The following ATP5PO variants were observed in gnomAD, a reference collection of about 807,000 sequenced individuals.
ATP5PO encodes the protein ATP synthase peripheral stalk subunit OSCP, mitochondrial.
In ATP5PO, 14 loss-of-function variants were observed where a neutral mutation model predicts 26.2. That is an observed-to-expected ratio of 0.53 (90% CI 0.35 to 0.83). The LOEUF (loss-of-function observed/expected upper bound fraction) is 0.83, where lower values mean the gene tolerates loss of function less well. Ranked by LOEUF, ATP5PO falls within the 40% of genes least tolerant of loss-of-function variation. The pLI is 0.01. For missense variants in ATP5PO, 241 were observed against 258.5 expected (o/e 0.93, Z 0.46); for synonymous variants, 106 against 95.1 (o/e 1.12, Z -0.67).
At chr21:33,909,577 T>A (rs1569367026) in intron 3 of ATP5PO, among the ~76,000 whole-genome samples, 1 of 152,130 alleles carries the variant, frequency 6.6e-6, no homozygotes, top group African/African-American at 2.4e-5. Context: ...TACAAACACT[T>A]TCTTATGAAT....
intron 3 of ATP5PO, 83 bp from the exon 4 acceptor site, chr21:33,909,294 T>C: frequency 6.8e-7 from 1 of 1,467,332 alleles, no homozygotes; most frequent in Non-Finnish European, 9.3e-7. Flanking sequence ...TTTCTTTCTT[T>C]TTTGGAGACA....
chr21:33,914,602 A>G (rs1987290247), intron 1 of ATP5PO, 102 bp from the exon 2 acceptor site: 3 of 1,101,558 alleles, frequency 2.7e-6, no homozygotes, highest in Non-Finnish European at 2.7e-6. Flanking sequence ...TAAAATCATT[A>G]CTTTTGTCTC....
chr21:33,913,059 T>C (rs1456555376), intron 2 of ATP5PO, among the ~76,000 whole-genome samples: 2 of 152,222 alleles, frequency 1.3e-5, no homozygotes, highest in Non-Finnish European at 2.9e-5. Context: ...GAGAAAGATT[T>C]AGTTCCAGTC....
At chr21:33,913,382 G>A (rs1344581993) in intron 2 of ATP5PO, among the ~76,000 whole-genome samples, 1 of 152,198 alleles carries the variant, frequency 6.6e-6, no homozygotes, top group Non-Finnish European at 1.5e-5. Context: ...GGGGAAAAGC[G>A]TGGGTAGTAT....
At chr21:33,913,903 C>T (rs543892602) in intron 2 of ATP5PO, among the ~76,000 whole-genome samples, 2 of 152,242 alleles carry the variant, frequency 1.3e-5, no homozygotes, top group East Asian at 1.9e-4. Context: ...CCTCAGCCTC[C>T]CGAGTGGCTG....
intron 5 of ATP5PO, 136 bp from the exon 6 acceptor site, chr21:33,904,157 C>G: frequency 1.5e-6 from 1 of 675,486 alleles, no homozygotes; most frequent in Non-Finnish European, 2.4e-6. Flanking sequence ...CATGGAGCTG[C>G]TCTGCAGCAT....
intron 2 of ATP5PO, 124 bp from the exon 3 acceptor site, chr21:33,912,523 AAT>A (rs1987263220): frequency 1.7e-6 from 1 of 580,944 alleles, no homozygotes; most frequent in South Asian, 3.3e-5. Context: ...AAACAGTTTA[AAT>A]ATGTCATTCA....
intron 2 of ATP5PO, 49 bp from the exon 3 acceptor site, chr21:33,912,448 TA>T (rs773253926): frequency 9.8e-5 from 130 of 1,329,638 alleles, no homozygotes; most frequent in Non-Finnish European, 1.3e-4. Flanking sequence ...GAAAATCAGT[TA>T]ATAGTATACT....
chr21:33,908,653 G>A (rs1288605749), intron 4 of ATP5PO, among the ~76,000 whole-genome samples: 3 of 152,226 alleles, frequency 2.0e-5, no homozygotes, highest in African/African-American at 7.2e-5. Flanking sequence ...AGGCTGCAGT[G>A]AGCTGAGATC....
intron 2 of ATP5PO, among the ~76,000 whole-genome samples, chr21:33,913,796 T>C (rs982883165): frequency 7.3e-4 from 111 of 152,062 alleles, no homozygotes; most frequent in Admixed American, 1.4e-3. Context: ...TTTTTTTTTT[T>C]CGAGACAGAG....
intron 3 of ATP5PO, among the ~76,000 whole-genome samples, chr21:33,911,319 CTT>C (rs1381695386): frequency 1.3e-5 from 2 of 152,202 alleles, no homozygotes; most frequent in Non-Finnish European, 1.5e-5. Context: ...GCCTCACAGT[CTT>C]TGCCTGTCAG....
intron 4 of ATP5PO, among the ~76,000 whole-genome samples, chr21:33,908,038 C>T (rs962413638): frequency 2.0e-5 from 3 of 152,002 alleles, no homozygotes; most frequent in Non-Finnish European, 4.4e-5. Context: ...ATTAGTGGCG[C>T]ATGCGCGCAG....
At chr21:33,904,146 T>C (rs778428938) in intron 5 of ATP5PO, 125 bp from the exon 6 acceptor site, 18 of 728,942 alleles carry the variant, frequency 2.5e-5, no homozygotes, top group Non-Finnish European at 3.7e-5. Context: ...CCTGGGCCCA[T>C]CATGGAGCTG....
chr21:33,911,662 GTT>G (rs58774588), intron 3 of ATP5PO, among the ~76,000 whole-genome samples: 3,000 of 91,876 alleles, frequency 0.033, 28 homozygotes, highest in African/African-American at 0.11. Flanking sequence ...ATAAGCATAG[GTT>G]TTTTTTTTTT....
intron 3 of ATP5PO, among the ~76,000 whole-genome samples, chr21:33,911,184 T>C (rs1987241901): frequency 2.0e-5 from 3 of 152,192 alleles, no homozygotes; most frequent in South Asian, 2.1e-4. Flanking sequence ...ACTTGTTAAC[T>C]AGAAAATTCG....
At chr21:33,909,463 G>A (rs947080414) in intron 3 of ATP5PO, among the ~76,000 whole-genome samples, 6 of 151,884 alleles carry the variant, frequency 4.0e-5, no homozygotes, top group African/African-American at 1.5e-4. Flanking sequence ...ACGGGGTTTC[G>A]CCATGTTGAC....
At chr21:33,914,825 G>A (rs1241328035) in intron 1 of ATP5PO, 1 of 259,618 alleles carries the variant, frequency 3.9e-6, no homozygotes, top group Non-Finnish European at 7.4e-6. Context: ...CAAAATTTTG[G>A]CGTTTCTATT....
chr21:33,915,680 T>A (rs947554103), intron 1 of ATP5PO, 48 bp downstream of exon 1: 1 of 1,551,906 alleles, frequency 6.4e-7, no homozygotes, highest in Non-Finnish European at 8.7e-7. Context: ...GTACCGGTCA[T>A]CCCAGGAGGG....
intron 2 of ATP5PO, among the ~76,000 whole-genome samples, chr21:33,912,860 T>G (rs1232806444): frequency 6.6e-6 from 1 of 152,256 alleles, no homozygotes; most frequent in African/African-American, 2.4e-5. Context: ...ATACTAACAC[T>G]ACACATTTTC....
Sources: gnomAD v4.1 joint callset for allele counts (sites outside exome capture counted in the v4.1 genomes callset) on GRCh38, gnomAD v4.1.1 for gene constraint, MANE v1.5 for transcripts, NCBI Gene and HGNC (gene_info 2026-07-23, HGNC 2026-07-21) for gene names.